The following BTBD9 variants were observed in gnomAD, a reference collection of about 807,000 sequenced individuals.
BTBD9 encodes BTB/POZ domain-containing protein 9.
In BTBD9, 49 loss-of-function variants were observed where a neutral mutation model predicts 64.3. The ratio of observed to expected loss-of-function variants is 0.76; its 90% confidence interval spans 0.61 to 0.97. The LOEUF is 0.97. Among genes scored for constraint, BTBD9 ranks in the 50% least tolerant of loss-of-function variants. The pLI is 0.00. For missense variants in BTBD9, 598 were observed against 762.1 expected (o/e 0.78, Z 2.53); for synonymous variants, 260 against 274.7 (o/e 0.95, Z 0.53).
chr6:38,319,982 G>C (rs901051743), intron 7 of BTBD9, among the ~76,000 whole-genome samples: 7 of 152,120 alleles, frequency 4.6e-5, no homozygotes, highest in Non-Finnish European at 1.0e-4. Flanking sequence ...CTGGGATGGG[G>C]GATCTCCCTC....
At chr6:38,448,554 G>C (rs974731763) in intron 6 of BTBD9, among the ~76,000 whole-genome samples, 1 of 152,042 alleles carries the variant, frequency 6.6e-6, no homozygotes, top group African/African-American at 2.4e-5. Context: ...CTTTGTCTCT[G>C]CACTCCAAGC....
chr6:38,202,852 G>A (rs1364452276), intron 9 of BTBD9, among the ~76,000 whole-genome samples: 1 of 152,048 alleles, frequency 6.6e-6, no homozygotes, highest in Non-Finnish European at 1.5e-5. Context: ...TAGCCAAATG[G>A]GACTGTATTA....
chr6:38,625,472 C>T (rs1778135013), intron 1 of BTBD9, among the ~76,000 whole-genome samples: 1 of 152,162 alleles, frequency 6.6e-6, no homozygotes, highest in African/African-American at 2.4e-5. Flanking sequence ...ATTTATTTTA[C>T]AGTAGCTTTC....
rs1765307800 is a variant in BTBD9, at chr6:38,274,488, C to T, written c.1454+13784G>A. The stretch of plus-strand genomic sequence containing the variant: ...TCAAAGGGAATGCTTCCAGTTTTTG[C>T]CCATTCAGTATGATATTGGCTGTGG... On this transcript the variant is annotated intron_variant, in intron 8 of 10. Transcript: ENST00000481247. Among the ~76,000 whole-genome samples, 7 of 152,202 alleles carry T rather than the reference C, an allele frequency of 4.6e-5. No individual in the cohort carries two copies. The South Asian group carries it at 1.2e-3, about 27-fold the overall frequency.
chr6:38,177,646 A>G lies in BTBD9; in HGVS notation c.1642-2464T>C, dbSNP rs148352518. ...ACTGCGCTGGTAAGAGCCTGGGAAG[A>G]GATGCTGTCTGTGGTGAGCACGTGA... On this transcript the variant is annotated intron_variant, in intron 10 of 10. Coordinates refer to ENST00000481247, the MANE Select transcript of BTBD9 (RefSeq NM_001099272.2). Among the ~76,000 whole-genome samples the G allele has an allele frequency of 2.4e-4, 37 of 152,308 alleles. No individual in the cohort carries two copies. The East Asian group carries it at 6.9e-3, about 29-fold the overall frequency.
intron 9 of BTBD9, among the ~76,000 whole-genome samples, chr6:38,238,473 T>TG (rs1327565081): frequency 6.9e-6 from 1 of 144,994 alleles, no homozygotes; most frequent in Admixed American, 7.1e-5. Context: ...GACCAAGGTT[T>TG]TTTGTTTTTT....
chr6:38,277,713 T>C (rs1347830757), intron 8 of BTBD9, among the ~76,000 whole-genome samples: 2 of 152,160 alleles, frequency 1.3e-5, no homozygotes, highest in East Asian at 3.8e-4. Flanking sequence ...CCAGAAGCTG[T>C]GGACTCTAAG....
chr6:38,457,079 T>C (rs1471509838), intron 6 of BTBD9, among the ~76,000 whole-genome samples: 1 of 151,838 alleles, frequency 6.6e-6, no homozygotes, highest in Non-Finnish European at 1.5e-5. Flanking sequence ...GGGAAAAATG[T>C]TGGCAAATTC....
intron 6 of BTBD9, among the ~76,000 whole-genome samples, chr6:38,556,877 T>TCTAC (rs887931351): frequency 6.7e-6 from 1 of 149,964 alleles, no homozygotes; most frequent in Non-Finnish European, 1.5e-5. Flanking sequence ...ATTAGCCAGA[T>TCTAC]GTAGTGGCGC....
At chr6:38,557,166 CA>C (rs1387801529) in intron 6 of BTBD9, among the ~76,000 whole-genome samples, 3 of 148,928 alleles carry the variant, frequency 2.0e-5, no homozygotes, top group Non-Finnish European at 4.4e-5. Flanking sequence ...GCCAACATGG[CA>C]AAACCCCGTC....
chr6:38,425,252 C>A (rs1043699566), intron 6 of BTBD9, among the ~76,000 whole-genome samples: 15 of 151,584 alleles, frequency 9.9e-5, no homozygotes, highest in African/African-American at 3.7e-4. Flanking sequence ...ATTACAGGCA[C>A]CTGCCACCAC....
chr6:38,337,192 ATC>A (rs1382878948), intron 7 of BTBD9, among the ~76,000 whole-genome samples: 1 of 152,092 alleles, frequency 6.6e-6, no homozygotes, highest in Non-Finnish European at 1.5e-5. Flanking sequence ...TCACACCCAA[ATC>A]TCTGTTTCTG....
chr6:38,252,343 C>T (rs1764430260), intron 9 of BTBD9, among the ~76,000 whole-genome samples: 1 of 152,214 alleles, frequency 6.6e-6, no homozygotes, highest in South Asian at 2.1e-4. Context: ...CTCTTGAGGT[C>T]TGCACTGTAG....
chr6:38,505,017 C>T (rs1772399745), intron 6 of BTBD9, among the ~76,000 whole-genome samples: 1 of 152,210 alleles, frequency 6.6e-6, no homozygotes, highest in Admixed American at 6.5e-5. Context: ...AACCATTTAA[C>T]AAAGTTGCTT....
chr6:38,559,481 T>A (rs1259000428), intron 6 of BTBD9, among the ~76,000 whole-genome samples: 1 of 152,158 alleles, frequency 6.6e-6, no homozygotes, highest in Non-Finnish European at 1.5e-5. Flanking sequence ...AGAATTACTA[T>A]CGTGAAAATG....
chr6:38,331,423 A>G (rs907837164), intron 7 of BTBD9, among the ~76,000 whole-genome samples: 1 of 152,202 alleles, frequency 6.6e-6, no homozygotes, highest in Non-Finnish European at 1.5e-5. Context: ...AGTTGCAGTG[A>G]GCTGAGATCA....
chr6:38,552,781 T>C (rs1229748890), intron 6 of BTBD9, among the ~76,000 whole-genome samples: 1 of 151,760 alleles, frequency 6.6e-6, no homozygotes, highest in Non-Finnish European at 1.5e-5. Flanking sequence ...AAGAGGGCTG[T>C]ATGGCTGCAT....
rs769528987 is a variant in BTBD9 at position 38,345,043 on chromosome 6, A to G, written c.1205T>C (p.Ile402Thr). The change falls in exon 7 of 11, where the codon ATT becomes ACT. Residue 402 changes from isoleucine to threonine, a missense_variant. Transcript: ENST00000481247. ...THNTVNKIFH[I>T]VAFECMFTNK... ...TGTAAACATACATTCAAAAGCCACAATGTGAAAAATCTTGTTCACTGTGTT... is the reference window on the plus strand; with the variant it reads ...TGTAAACATACATTCAAAAGCCACAGTGTGAAAAATCTTGTTCACTGTGTT... 6 of 1,609,874 alleles carry G rather than the reference A, an allele frequency of 3.7e-6. No individual in the cohort carries two copies. Among genetic ancestry groups the G allele is most frequent in the Admixed American group, 1.7e-5 (1 of 60,000 alleles).
At chr6:38,400,646 T>C (rs1766888179) in intron 6 of BTBD9, among the ~76,000 whole-genome samples, 3 of 152,030 alleles carry the variant, frequency 2.0e-5, no homozygotes, top group Admixed American at 6.5e-5. Flanking sequence ...CAATCATCAC[T>C]CCCTAGGATA....
Sources: allele counts gnomAD v4.1 joint callset (sites outside exome capture counted in the v4.1 genomes callset), GRCh38; gene constraint gnomAD v4.1.1; transcripts MANE v1.5; gene names NCBI Gene and HGNC (gene_info 2026-07-23, HGNC 2026-07-21).